Variants in EFCAB6 observed in about 807,000 individuals in gnomAD.
EFCAB6 encodes the protein EF-hand calcium binding domain 6.
In EFCAB6, 156 loss-of-function variants were observed where a neutral mutation model predicts 169.8. The ratio of observed to expected loss-of-function variants is 0.92; its 90% confidence interval spans 0.81 to 1.05. The LOEUF (loss-of-function observed/expected upper bound fraction) is 1.05. Among genes scored for constraint, EFCAB6 ranks in the 50% least tolerant of loss-of-function variants. The pLI is 0.00. For synonymous variants in EFCAB6, 698 were observed against 676.4 expected (o/e 1.03, Z -0.50); for missense variants, 1,800 against 1,829.1 (o/e 0.98, Z 0.29).
rs1271005798 is a variant in EFCAB6, at chr22:43,672,058, C to T, written c.1555G>A (p.Gly519Arg). The T allele has an allele frequency of 6.2e-7, 1 of 1,614,180 alleles. No homozygotes were observed. The highest frequency in any genetic ancestry group is 1.7e-5 in the Admixed American group (1 of 60,032). The change falls in exon 15 of 32, where the codon GGA becomes AGA. Residue 519 changes from glycine (G) to arginine (R), a missense_variant. Transcript: ENST00000262726. ...TTTCGGCCAATGCGCCCTGTGTCTC[C>T]AAGGTCATATGAGCGTAGCATGTTA... The part of the protein sequence containing the change: ...FYNMLRSYDL[G>R]DTGRIGRNNF...
intron 8 of EFCAB6, among the ~76,000 whole-genome samples, chr22:43,731,195 C>T (rs1204172942): frequency 6.6e-6 from 1 of 152,128 alleles, no homozygotes; most frequent in Non-Finnish European, 1.5e-5. Flanking sequence ...AAAGACTGTT[C>T]GCACGAGGAA....
At chr22:43,788,324 A>G (rs1569489984) in intron 2 of EFCAB6, among the ~76,000 whole-genome samples, 2 of 152,242 alleles carry the variant, frequency 1.3e-5, no homozygotes, top group African/African-American at 2.4e-5. Context: ...TTATTTGCCA[A>G]TCATATATCT....
chr22:43,712,783 T>C (rs1006976893), intron 9 of EFCAB6, among the ~76,000 whole-genome samples: 5 of 146,870 alleles, frequency 3.4e-5, no homozygotes, highest in African/African-American at 1.3e-4. Flanking sequence ...CATATGGTTT[T>C]CCATACTTTT....
rs891322763 is a variant in EFCAB6 at position 43,566,076 on chromosome 22, G to A, written c.3420+10221C>T. Among the ~76,000 whole-genome samples, 4 of 152,216 alleles carry A rather than the reference G, an allele frequency of 2.6e-5. 1 individual carries two copies. The highest frequency in any genetic ancestry group is 6.8e-3 in the Middle Eastern group (2 of 294). On this transcript the variant is annotated intron_variant, in intron 26 of 31. Coordinates refer to ENST00000262726, the MANE Select transcript of EFCAB6 (RefSeq NM_022785.4). ...AAAATAAAGTGGAAGCTCTGAGGAAGCTGCCTGCTACAGACCTCGCTGCCG... is the reference window on the plus strand; with the variant it reads ...AAAATAAAGTGGAAGCTCTGAGGAAACTGCCTGCTACAGACCTCGCTGCCG...
At chr22:43,666,993 G>C in intron 17 of EFCAB6, 111 bp downstream of exon 17, 4 of 1,286,826 alleles carry the variant, frequency 3.1e-6, no homozygotes, top group Non-Finnish European at 4.1e-6. Flanking sequence ...AAGATGCCTA[G>C]AAATGGATCT....
At chr22:43,788,019 C>T (rs2062144221) in intron 2 of EFCAB6, among the ~76,000 whole-genome samples, 1 of 152,112 alleles carries the variant, frequency 6.6e-6, no homozygotes, top group African/African-American at 2.4e-5. Flanking sequence ...GTAGTCTTTT[C>T]AACGAACAGC....
chr22:43,740,009 C>T (rs1023425462), intron 6 of EFCAB6, among the ~76,000 whole-genome samples: 1 of 146,544 alleles, frequency 6.8e-6, no homozygotes, highest in Non-Finnish European at 1.5e-5. Flanking sequence ...CCTCCACCTG[C>T]CCCCCACCTG....
At position 43,626,925 on chromosome 22, in the gene EFCAB6, A is replaced by G. The variant is rs188714941; in HGVS notation, c.2233-246T>C. On this transcript the variant is annotated intron_variant, in intron 19 of 31. Transcript: ENST00000262726. ...GATCCTCTTTGAATGCAAAGAGTTC[A>G]GGGAAAGGAACAGGCCACTTTTCTT... Among the ~76,000 whole-genome samples, 216 of 152,326 alleles carry G rather than the reference A, an allele frequency of 1.4e-3. 1 individual carries two copies. The highest frequency in any genetic ancestry group is 4.8e-3 in the African/African-American group (200 of 41,572).
chr22:43,641,282 A>T (rs1274171760), intron 17 of EFCAB6, among the ~76,000 whole-genome samples: 1 of 152,204 alleles, frequency 6.6e-6, no homozygotes, highest in African/African-American at 2.4e-5. Flanking sequence ...ATGAGCACCA[A>T]GTGGTCATTC....
At chr22:43,621,181 C>G (rs767026237) in intron 20 of EFCAB6, among the ~76,000 whole-genome samples, 6 of 151,822 alleles carry the variant, frequency 4.0e-5, no homozygotes, top group Non-Finnish European at 7.4e-5. Flanking sequence ...ATCCACCTCC[C>G]AGGTTCAAGC....
chr22:43,598,017 A>G (rs1419589444), intron 23 of EFCAB6, among the ~76,000 whole-genome samples: 1 of 152,216 alleles, frequency 6.6e-6, no homozygotes, highest in Non-Finnish European at 1.5e-5. Context: ...TGGGAGTTTA[A>G]AAAGTTGATC....
intron 6 of EFCAB6, among the ~76,000 whole-genome samples, chr22:43,746,315 C>T (rs5764266): frequency 0.23 from 34,455 of 152,020 alleles, 5,148 homozygotes; most frequent in East Asian, 0.61. Flanking sequence ...CAAATAAGAT[C>T]CACAAAAATG....
intron 5 of EFCAB6, among the ~76,000 whole-genome samples, chr22:43,762,336 C>G (rs1488222495): frequency 1.3e-5 from 2 of 152,150 alleles, no homozygotes; most frequent in African/African-American, 2.4e-5. Flanking sequence ...TAGGCTTTGT[C>G]TCTTGTCTCC....
chr22:43,691,691 T>C (rs1389064143), intron 10 of EFCAB6, among the ~76,000 whole-genome samples: 2 of 152,202 alleles, frequency 1.3e-5, no homozygotes. Context: ...AATAAATTGT[T>C]AAAATTCTTA....
At chr22:43,555,127 G>A in intron 26 of EFCAB6, 31 bp from the exon 27 acceptor site, 10 of 1,610,136 alleles carry the variant, frequency 6.2e-6, no homozygotes, top group Non-Finnish European at 8.5e-6. Context: ...ATTGATCCAT[G>A]TGAGAAATAA....
Position 43,678,116 on chromosome 22 carries a change from AT to A in EFCAB6, c.1298del (p.Asn433IlefsTer5). ...ITREEFRYIL[N>X]CMAVKLSDSE... Reference sequence around the variant, plus strand: ...AATCGCTTAGTTTTACAGCCATGCAATTTAGAATATATCGAAATTCTTCTCT... The same window carrying A: ...AATCGCTTAGTTTTACAGCCATGCAATTAGAATATATCGAAATTCTTCTCT... On this transcript the variant is annotated frameshift_variant, in exon 13 of 32. Transcript: ENST00000262726. LOFTEE classifies it high-confidence loss of function. 6.2e-7 allele frequency: 1 copy of A among 1,613,102 alleles called. No individual in the cohort carries two copies. The highest frequency in any genetic ancestry group is 8.5e-7 in the Non-Finnish European group (1 of 1,179,684).
intron 23 of EFCAB6, among the ~76,000 whole-genome samples, chr22:43,598,730 G>A (rs746400417): frequency 6.6e-6 from 1 of 152,116 alleles, no homozygotes; most frequent in Non-Finnish European, 1.5e-5. Context: ...CACATTGCAT[G>A]CCTGTATCAA....
intron 18 of EFCAB6, 75 bp downstream of exon 18, chr22:43,635,027 G>C: frequency 8.3e-7 from 1 of 1,206,426 alleles, no homozygotes; most frequent in Non-Finnish European, 1.2e-6. Flanking sequence ...CGAGTGGCCT[G>C]GTGGCACTGC....
chr22:43,621,191 C>A (rs1186721143), intron 20 of EFCAB6, among the ~76,000 whole-genome samples: 1 of 151,684 alleles, frequency 6.6e-6, no homozygotes, highest in Non-Finnish European at 1.5e-5. Flanking sequence ...CAGGTTCAAG[C>A]AATTCTCCTG....
Sources: gnomAD v4.1 joint callset for allele counts (sites outside exome capture counted in the v4.1 genomes callset) on GRCh38, gnomAD v4.1.1 for gene constraint, MANE v1.5 for transcripts, NCBI Gene and HGNC (gene_info 2026-07-23, HGNC 2026-07-21) for gene names.